The following BICRAL variants were observed in gnomAD, a reference collection of about 807,000 sequenced individuals.
BICRAL encodes BICRA like chromatin remodeling complex associated protein.
In BICRAL, 8 loss-of-function variants were observed where a neutral mutation model predicts 91.8. The observed-to-expected ratio is 0.09, with a 90% CI of 0.05 to 0.16. The LOEUF is 0.16. Among genes scored for constraint, BICRAL ranks in the 10% least tolerant of loss-of-function variants. BICRAL has a pLI of 1.00. For synonymous variants in BICRAL, 445 were observed against 491.1 expected (o/e 0.91, Z 1.24); for missense variants, 1,038 against 1,310.9 (o/e 0.79, Z 3.21).
chr6:42,748,155 G>A (rs969253290), intron 1 of BICRAL, among the ~76,000 whole-genome samples: 1 of 144,330 alleles, frequency 6.9e-6, no homozygotes, highest in African/African-American at 2.6e-5. Flanking sequence ...TCACAAAACT[G>A]TGGGTCTGAA....
chr6:42,791,172 G>A (rs562681523), intron 1 of BICRAL, among the ~76,000 whole-genome samples: 23 of 151,324 alleles, frequency 1.5e-4, no homozygotes, highest in Non-Finnish European at 2.8e-4. Flanking sequence ...TCCCTACCTC[G>A]TATGTACTCC....
At chr6:42,843,797 CTTCTT>C (rs1764886338) in intron 6 of BICRAL, among the ~76,000 whole-genome samples, 1 of 112,548 alleles carries the variant, frequency 8.9e-6, no homozygotes. Context: ...ATATAAATTT[CTTCTT>C]TTTTTTTTTT....
In BICRAL at chr6:42,829,592, T is replaced by C. The variant is rs1412277236; in HGVS notation, c.1259T>C (p.Ile420Thr). Reference protein sequence around the residue: ...SSNSVHHVQTINGQLLQTQPS... With the variant: ...SSNSVHHVQTTNGQLLQTQPS... ...AACTCGGTACACCACGTCCAGACTA[T>C]AAATGGGCAACTTCTTCAAACTCAA... The change falls in exon 6 of 13, where the codon ATA becomes ACA. Residue 420 changes from isoleucine to threonine, a missense_variant. Physicochemically the swap from Ile to Thr is moderately conservative, Grantham distance 89. Transcript: ENST00000314073. 3.7e-6 allele frequency: 6 copies of C among 1,614,066 alleles called. No individual in the cohort carries two copies. Among genetic ancestry groups the C allele is most frequent in the Admixed American group, 1.7e-5 (1 of 60,002 alleles).
At chr6:42,760,659 G>C (rs1447674400) in intron 1 of BICRAL, among the ~76,000 whole-genome samples, 2 of 152,066 alleles carry the variant, frequency 1.3e-5, no homozygotes, top group Admixed American at 1.3e-4. Flanking sequence ...GCTCATCTCA[G>C]CCTCCCAGAG....
rs150164637 is a variant in BICRAL, at chr6:42,851,042, G to A, written c.1840-1050G>A. On this transcript the variant is annotated intron_variant, in intron 6 of 12. Transcript: ENST00000314073. Reference sequence around the variant, plus strand: ...TCTACTAAAAATAGAAAAATTAGCCGGACGTGGTGGCATGCACCTGTAATC... The same window carrying A: ...TCTACTAAAAATAGAAAAATTAGCCAGACGTGGTGGCATGCACCTGTAATC... Among the ~76,000 whole-genome samples the A allele has an allele frequency of 4.0e-3, 609 of 150,590 alleles. 10 individuals are homozygous for A. The East Asian group carries it at 0.067, about 17-fold the overall frequency.
chr6:42,786,896 TG>T (rs1042556218), intron 1 of BICRAL, among the ~76,000 whole-genome samples: 1 of 151,778 alleles, frequency 6.6e-6, no homozygotes, highest in Non-Finnish European at 1.5e-5. Context: ...GAGATGGAGT[TG>T]GAGAGATCCT....
chr6:42,802,878 G>A (rs1468291390), intron 1 of BICRAL, among the ~76,000 whole-genome samples: 1 of 152,198 alleles, frequency 6.6e-6, no homozygotes, highest in African/African-American at 2.4e-5. Context: ...ACCACACCCG[G>A]CTCCTCATTT....
At chr6:42,857,614 A>AAAAAAAAAATATATATATATATATAT in intron 10 of BICRAL, among the ~76,000 whole-genome samples, 1 of 96,242 alleles carries the variant, frequency 1.0e-5, no homozygotes, top group African/African-American at 6.5e-5. Context: ...AAAAAAAAAA[A>AAAAAAAAAATATATATATATATATAT]ATATATATAT....
intron 6 of BICRAL, among the ~76,000 whole-genome samples, chr6:42,833,919 A>G (rs1764570137): frequency 6.6e-6 from 1 of 151,778 alleles, no homozygotes; most frequent in South Asian, 2.1e-4. Flanking sequence ...CAATGGTGCA[A>G]TCTCAGCTCA....
chr6:42,849,291 G>A (rs1366207793), intron 6 of BICRAL, among the ~76,000 whole-genome samples: 1 of 152,042 alleles, frequency 6.6e-6, no homozygotes, highest in African/African-American at 2.4e-5. Context: ...TCCCTGTGTT[G>A]CCCAGACTGA....
At chr6:42,793,333 T>TTTTTTTTTTG (rs1763332692) in intron 1 of BICRAL, among the ~76,000 whole-genome samples, 1 of 135,938 alleles carries the variant, frequency 7.4e-6, no homozygotes, top group African/African-American at 2.8e-5. Flanking sequence ...TTTGTATTTT[T>TTTTTTTTTTG]AGTAGAGACG....
upstream of BICRAL, chr6:42,781,953 G>C (rs1582811890): frequency 6.8e-6 from 1 of 146,796 alleles, no homozygotes; most frequent in Non-Finnish European, 1.5e-5. Flanking sequence ...GGGTGAGCGA[G>C]AGAGAGAGCG....
intron 6 of BICRAL, among the ~76,000 whole-genome samples, chr6:42,850,337 C>G (rs1765138359): frequency 6.6e-6 from 1 of 151,858 alleles, no homozygotes; most frequent in African/African-American, 2.4e-5. Context: ...TTGGCCAACA[C>G]AGTGAAACCC....
At chr6:42,787,790 G>A (rs1763142554) in intron 1 of BICRAL, among the ~76,000 whole-genome samples, 1 of 152,124 alleles carries the variant, frequency 6.6e-6, no homozygotes, top group South Asian at 2.1e-4. Flanking sequence ...TAGGAAGTGA[G>A]GTGAATATCG....
At chr6:42,823,484 A>C (rs1259156093) in intron 5 of BICRAL, among the ~76,000 whole-genome samples, 3 of 152,146 alleles carry the variant, frequency 2.0e-5, no homozygotes, top group Admixed American at 6.6e-5. Flanking sequence ...CTTTTAACTT[A>C]GTCAATTAAG....
intron 1 of BICRAL, among the ~76,000 whole-genome samples, chr6:42,767,035 A>G (rs1175306730): frequency 2.0e-5 from 3 of 147,282 alleles, no homozygotes; most frequent in Non-Finnish European, 4.5e-5. Flanking sequence ...GTGAGACTCC[A>G]TCTCAAAAAA....
chr6:42,777,790 T>A (rs1005193995), upstream of BICRAL, among the ~76,000 whole-genome samples: 4 of 152,242 alleles, frequency 2.6e-5, no homozygotes, highest in African/African-American at 9.6e-5. Context: ...TCTTTTTTTT[T>A]ACTGTCCAGT....
chr6:42,793,074 C>T (rs978370502), intron 1 of BICRAL, among the ~76,000 whole-genome samples: 13 of 148,276 alleles, frequency 8.8e-5, no homozygotes, highest in Non-Finnish European at 1.9e-4. Context: ...TGTGCCTCAG[C>T]CTCCCCAGTA....
intron 12 of BICRAL, 152 bp downstream of exon 12, chr6:42,862,764 T>C (rs1752213693): frequency 1.7e-6 from 1 of 600,318 alleles, no homozygotes; most frequent in Admixed American, 2.9e-5. Flanking sequence ...ACACCTGTAA[T>C]CCCATCTACT....
Sources: allele counts gnomAD v4.1 joint callset (sites outside exome capture counted in the v4.1 genomes callset), GRCh38; gene constraint gnomAD v4.1.1; transcripts MANE v1.5; gene names NCBI Gene and HGNC (gene_info 2026-07-23, HGNC 2026-07-21).